The following MTUS2 variants were observed in gnomAD, a reference collection of about 807,000 sequenced individuals.
MTUS2 encodes microtubule associated scaffold protein 2, also known as microtubule-associated tumor suppressor candidate 2.
MTUS2 carries 40 observed loss-of-function variants against 114.1 expected under a neutral mutation model. That is an observed-to-expected ratio of 0.35 (90% CI 0.27 to 0.46). The LOEUF is 0.46. MTUS2 is among the 20% of genes least tolerant of loss of function. The probability of loss-of-function intolerance (pLI) is 1.00; values close to 1 mark genes in which losing one functional copy is unlikely to be tolerated. For synonymous variants in MTUS2, 688 were observed against 672.0 expected (o/e 1.02, Z -0.37); for missense variants, 1,679 against 1,705.4 (o/e 0.98, Z 0.27).
chr13:29,258,068 A>G (rs1221535768), intron 5 of MTUS2, among the ~76,000 whole-genome samples: 2 of 152,250 alleles, frequency 1.3e-5, no homozygotes, highest in Non-Finnish European at 2.9e-5. Context: ...GCACACACTT[A>G]GCTGCTAAAA....
rs549503177 is a variant in MTUS2 at position 29,177,892 on chromosome 13, C to T, written c.2644+76922C>T. On this transcript the variant is annotated intron_variant, in intron 5 of 15. Transcript: ENST00000612955. ...AAGGAAACCCACCACTGTTATCTCC[C>T]AGGATCCCTCAGATTCCCTGGTGCA... 2.6e-5 allele frequency among the ~76,000 whole-genome samples: 4 copies of T among 152,280 alleles called. No homozygotes were observed. In the South Asian group the frequency reaches 6.2e-4, roughly 24 times the overall value.
chr13:29,096,787 G>A (rs1408433762), intron 4 of MTUS2, among the ~76,000 whole-genome samples: 1 of 152,124 alleles, frequency 6.6e-6, no homozygotes, highest in African/African-American at 2.4e-5. Context: ...GACACTCCTG[G>A]TTTATAAGCG....
intron 6 of MTUS2, chr13:29,307,421 A>G (rs1017886655): frequency 8.6e-5 from 107 of 1,250,866 alleles, no homozygotes; most frequent in Middle Eastern, 2.7e-4. Flanking sequence ...GACGCTGCCA[A>G]GGCTGTGGCC....
At chr13:29,196,124 T>G in intron 5 of MTUS2, among the ~76,000 whole-genome samples, 1 of 146,660 alleles carries the variant, frequency 6.8e-6, no homozygotes, top group African/African-American at 2.5e-5. Flanking sequence ...TGAGATGGAG[T>G]CTCGCTCTGT....
At chr13:28,951,274 G>A (rs1399275814) in intron 2 of MTUS2, among the ~76,000 whole-genome samples, 2 of 152,208 alleles carry the variant, frequency 1.3e-5, no homozygotes, top group Non-Finnish European at 2.9e-5. Context: ...CATTAAAGCT[G>A]TAGATTACTT....
At chr13:29,226,610 A>G (rs1896116241) in intron 5 of MTUS2, among the ~76,000 whole-genome samples, 1 of 152,064 alleles carries the variant, frequency 6.6e-6, no homozygotes, top group Non-Finnish European at 1.5e-5. Flanking sequence ...AAAGCTTTTA[A>G]GACTATAAAA....
chr13:28,950,370 C>T (rs189521764), intron 2 of MTUS2, among the ~76,000 whole-genome samples: 3 of 152,260 alleles, frequency 2.0e-5, no homozygotes, highest in Admixed American at 6.5e-5. Flanking sequence ...ATATGTGATT[C>T]GCAAATGTTT....
chr13:29,375,118 G>T (rs1341180506), intron 8 of MTUS2, among the ~76,000 whole-genome samples: 1 of 152,056 alleles, frequency 6.6e-6, no homozygotes, highest in Non-Finnish European at 1.5e-5. Context: ...AAGTAATCGT[G>T]GTTTTTGCCA....
At chr13:29,336,543 G>A (rs547791682) in intron 7 of MTUS2, among the ~76,000 whole-genome samples, 1 of 152,220 alleles carries the variant, frequency 6.6e-6, no homozygotes, top group African/African-American at 2.4e-5. Context: ...CCCGCCGGAC[G>A]CCAGCTGGAG....
intron 4 of MTUS2, among the ~76,000 whole-genome samples, chr13:29,066,289 A>T (rs956557679): frequency 6.6e-6 from 1 of 152,168 alleles, no homozygotes; most frequent in Non-Finnish European, 1.5e-5. Flanking sequence ...TTTTGCTTTT[A>T]CACATTTATT....
chr13:29,035,870 C>T (rs796443098), intron 4 of MTUS2, among the ~76,000 whole-genome samples: 15 of 152,004 alleles, frequency 9.9e-5, no homozygotes, highest in African/African-American at 3.4e-4. Context: ...CCAGGCTTGG[C>T]GTGGTGGCTC....
At chr13:28,937,996 G>A (rs1228661773) in intron 2 of MTUS2, among the ~76,000 whole-genome samples, 5 of 152,180 alleles carry the variant, frequency 3.3e-5, no homozygotes, top group South Asian at 2.1e-4. Flanking sequence ...TGCATGCCTC[G>A]GAATGAGGAT....
chr13:28,929,165 G>T (rs1881482734), intron 2 of MTUS2, among the ~76,000 whole-genome samples: 1 of 152,064 alleles, frequency 6.6e-6, no homozygotes, highest in Non-Finnish European at 1.5e-5. Flanking sequence ...GCTGAGAAGG[G>T]GTGGGGGAAG....
chr13:29,115,922 GTTTA>G, intron 5 of MTUS2, among the ~76,000 whole-genome samples: 1 of 152,350 alleles, frequency 6.6e-6, no homozygotes, highest in East Asian at 1.9e-4. Flanking sequence ...GAATGTGTGT[GTTTA>G]TTCTACTTAA....
At chr13:29,209,810 A>G (rs1484008543) in intron 5 of MTUS2, among the ~76,000 whole-genome samples, 3 of 152,200 alleles carry the variant, frequency 2.0e-5, no homozygotes, top group East Asian at 1.9e-4. Flanking sequence ...TGTTAATCTG[A>G]TAGGTATTCC....
intron 5 of MTUS2, among the ~76,000 whole-genome samples, chr13:29,217,140 A>G (rs1286839567): frequency 6.6e-6 from 1 of 152,184 alleles, no homozygotes; most frequent in African/African-American, 2.4e-5. Flanking sequence ...TGAATTTGCT[A>G]CTTATCAGTT....
intron 2 of MTUS2, among the ~76,000 whole-genome samples, chr13:28,916,818 G>A (rs1880771657): frequency 6.6e-6 from 1 of 151,652 alleles, no homozygotes; most frequent in African/African-American, 2.4e-5. Flanking sequence ...AGTGACAATG[G>A]TGAAAGTGGG....
Position 28,832,961 on chromosome 13 carries a change from A to G in MTUS2, c.-315-6817A>G, listed in dbSNP as rs1171622189. 2.0e-5 allele frequency among the ~76,000 whole-genome samples: 3 copies of G among 152,202 alleles called. No individual in the cohort carries two copies. The South Asian group carries it at 6.2e-4, about 32-fold the overall frequency. On this transcript the variant is annotated intron_variant, in intron 1 of 15. Transcript: ENST00000612955. ...AAATAAATTTATTTCAACAAATTAT[A>G]TAACCTGAATGAAATGGGTAAATTC...
chr13:29,397,948 G>C (rs1874029333), intron 8 of MTUS2, among the ~76,000 whole-genome samples: 1 of 152,066 alleles, frequency 6.6e-6, no homozygotes, highest in Non-Finnish European at 1.5e-5. Context: ...CATAATTGTT[G>C]TATTTTGTTA....
Sources: gnomAD v4.1 joint callset for allele counts (sites outside exome capture counted in the v4.1 genomes callset) on GRCh38, gnomAD v4.1.1 for gene constraint, MANE v1.5 for transcripts, NCBI Gene and HGNC (gene_info 2026-07-23, HGNC 2026-07-21) for gene names.